Variants in ZKSCAN7 observed in about 807,000 individuals in gnomAD.
ZKSCAN7 encodes the protein zinc finger protein with KRAB and SCAN domains 7.
In ZKSCAN7, 38 loss-of-function variants were observed where a neutral mutation model predicts 65.3. That is an observed-to-expected ratio of 0.58 (90% CI 0.45 to 0.76). The LOEUF is 0.76. Ranked by LOEUF, ZKSCAN7 falls within the 30% of genes least tolerant of loss-of-function variation. ZKSCAN7 has a pLI of 0.00. For missense variants in ZKSCAN7, 815 were observed against 913.3 expected (o/e 0.89, Z 1.39); for synonymous variants, 321 against 321.0 (o/e 1.00, Z 0.00).
At chr3:44,569,773 A>G in intron 5 of ZKSCAN7, 149 bp from the exon 6 acceptor site, 1 of 1,308,652 alleles carries the variant, frequency 7.6e-7, no homozygotes, top group Non-Finnish European at 9.8e-7. Flanking sequence ...TGAGCTATTA[A>G]TATTTCCCAT....
intron 5 of ZKSCAN7, among the ~76,000 whole-genome samples, chr3:44,579,737 A>G (rs1466342203): frequency 2.6e-5 from 4 of 152,050 alleles, no homozygotes; most frequent in African/African-American, 7.2e-5. Flanking sequence ...AGACAAGTCA[A>G]TTTCTCCATC....
At chr3:44,557,582 C>A in intron 2 of ZKSCAN7, 112 bp downstream of exon 2, 1 of 1,474,746 alleles carries the variant, frequency 6.8e-7, no homozygotes, top group Non-Finnish European at 9.2e-7. Flanking sequence ...TTTAGGGTTG[C>A]TGAACTTGTC....
Position 44,571,235 on chromosome 3 carries a change from C to T in ZKSCAN7, c.2125C>T (p.His709Tyr). 2.5e-6 allele frequency: 4 copies of T among 1,614,178 alleles called. No homozygotes were observed. In the South Asian group the frequency reaches 4.4e-5, roughly 18 times the overall value. The change falls in exon 6 of 6, where the codon CAC becomes TAC. Residue 709 changes from histidine (H) to tyrosine (Y), a missense_variant. Transcript: ENST00000426540. ...AFSDSSQLIV[H>Y]QRVHTGEKPY... ...TAGTGACAGCTCACAGCTTATTGTA[C>T]ACCAGAGAGTCCACACCGGAGAGAA... is the stretch of plus-strand genomic sequence containing the variant.
downstream of ZKSCAN7, among the ~76,000 whole-genome samples, chr3:44,576,951 A>G (rs1413351168): frequency 6.6e-6 from 1 of 151,874 alleles, no homozygotes; most frequent in Non-Finnish European, 1.5e-5. Context: ...ATTACTCCAC[A>G]TTGGAAACAA....
At position 44,557,474 on chromosome 3, in the gene ZKSCAN7, A is replaced by G. The variant is rs894139418; in HGVS notation, c.423+4A>G. On this transcript the variant is annotated splice_donor_region_variant and intron_variant, in intron 2 of 5. Coordinates refer to ENST00000426540, the MANE Select transcript of ZKSCAN7 (RefSeq NM_001288590.2). ...ACACCTCAGTGGATCAGAGGAGGTG[A>G]GCAGTTGAGTCTAGAATGGCGGCCT... 1 of 1,614,030 alleles carries G rather than the reference A, an allele frequency of 6.2e-7. No individual in the cohort carries two copies. The highest frequency in any genetic ancestry group is 1.3e-5 in the African/African-American group (1 of 75,054).
downstream of ZKSCAN7, among the ~76,000 whole-genome samples, chr3:44,575,017 G>C (rs1013041417): frequency 6.6e-5 from 10 of 151,782 alleles, no homozygotes; most frequent in African/African-American, 2.2e-4. Context: ...GTCCAGTCAG[G>C]TGTGGTGGCT....
At position 44,571,212 on chromosome 3, in the gene ZKSCAN7, G is replaced by C. The variant is rs1316795521; in HGVS notation, c.2102G>C (p.Ser701Thr). The change falls in exon 6 of 6, where the codon AGT becomes ACT. Residue 701 changes from serine to threonine, a missense_variant. By Grantham distance (58) the Ser-to-Thr change is moderately conservative. Around this residue, in one of 3 missense-constraint regions of ZKSCAN7, gnomAD observed 578 missense variants for 629.5 expected, o/e 0.92. Transcript: ENST00000426540. ...TGCAATGATTGTGGGAAAGCTTTTA[G>C]TGACAGCTCACAGCTTATTGTACAC... is the stretch of plus-strand genomic sequence containing the variant. ...YKCNDCGKAF[S>T]DSSQLIVHQR... 3 of 1,614,188 alleles carry C rather than the reference G, an allele frequency of 1.9e-6. No individual in the cohort carries two copies. Among genetic ancestry groups the C allele is most frequent in the Non-Finnish European group, 1.7e-6 (2 of 1,180,034 alleles).
chr3:44,579,978 G>C (rs555602914), intron 5 of ZKSCAN7: 124 of 1,570,390 alleles, frequency 7.9e-5, no homozygotes, highest in African/African-American at 1.7e-4. Context: ...AGGAGCTTGG[G>C]GGGGGGCTTC....
At chr3:44,568,030 C>T in intron 4 of ZKSCAN7, 27 bp downstream of exon 4, 3 of 1,096,612 alleles carry the variant, frequency 2.7e-6, no homozygotes, top group Non-Finnish European at 4.0e-6. Flanking sequence ...GTGTTTTTAC[C>T]AAGTCCCCAT....
chr3:44,571,167 C>T lies in ZKSCAN7; in HGVS notation c.2057C>T (p.Thr686Ile), dbSNP rs1294416533. 2 of 1,614,166 alleles carry T rather than the reference C, an allele frequency of 1.2e-6. No homozygotes were observed. Among genetic ancestry groups the T allele is most frequent in the East Asian group, 2.2e-5 (1 of 44,886 alleles). Residue 686 changes from threonine to isoleucine, a missense_variant, in exon 6 of 6, where the codon ACT becomes ATT. Physicochemically the swap from Thr to Ile is moderately conservative, Grantham distance 89 (BLOSUM62 -1). Transcript: ENST00000426540. ...CTTATGGTACATCAGAGAACCCATA[C>T]TGGGGAAAAACCCTATAAATGCAAT... ...SSLMVHQRTH[T>I]GEKPYKCNDC...
chr3:44,561,447 C>T (rs562055722), intron 2 of ZKSCAN7, among the ~76,000 whole-genome samples: 16 of 152,274 alleles, frequency 1.1e-4, no homozygotes, highest in African/African-American at 3.6e-4. Flanking sequence ...GCCCTGGCCC[C>T]TCCCAAATCT....
chr3:44,580,326 C>T (rs1314030192), intron 5 of ZKSCAN7: 45 of 1,613,076 alleles, frequency 2.8e-5, no homozygotes, highest in Middle Eastern at 3.3e-4. Context: ...CCCAGGTTCC[C>T]GCAGGGAGCT....
chr3:44,557,438 G>A lies in ZKSCAN7; in HGVS notation c.391G>A (p.Asp131Asn). The change falls in exon 2 of 6, where the codon GAT (aspartate) becomes AAT (asparagine). Residue 131 changes from aspartate to asparagine, a missense_variant. Coordinates refer to ENST00000426540, the MANE Select transcript of ZKSCAN7 (RefSeq NM_001288590.2). Reference protein sequence around the residue: ...SGEEAVAVVEDFQRHLSGSEE... With the variant: ...SGEEAVAVVENFQRHLSGSEE... The stretch of plus-strand genomic sequence containing the variant: ...TGAGGAGGCTGTGGCTGTGGTGGAG[G>A]ATTTCCAGAGACACCTCAGTGGATC... The A allele has an allele frequency of 6.2e-7, 1 of 1,614,224 alleles. No homozygotes were observed. Among genetic ancestry groups the A allele is most frequent in the Non-Finnish European group, 8.5e-7 (1 of 1,180,036 alleles).
At chr3:44,579,863 T>C (rs903323554) in intron 5 of ZKSCAN7, 5 of 1,609,768 alleles carry the variant, frequency 3.1e-6, no homozygotes, top group Middle Eastern at 1.7e-4. Flanking sequence ...CAGCCAGCCT[T>C]TCTTGAAATT....
chr3:44,556,994 C>A lies in ZKSCAN7; in HGVS notation c.-54C>A. ...AGTTCCTGAGACCTGAACTATTGAC[C>A]ATCATTTTAATCGGACCAACTGCAG... On this transcript the variant is annotated 5_prime_UTR_variant, in exon 2 of 6. Coordinates refer to ENST00000426540, the MANE Select transcript of ZKSCAN7 (RefSeq NM_001288590.2). The A allele has an allele frequency of 6.2e-7, 1 of 1,609,652 alleles. No homozygotes were observed. Among genetic ancestry groups the A allele is most frequent in the South Asian group, 1.1e-5 (1 of 90,680 alleles).
rs188218761 is a variant in ZKSCAN7, at chr3:44,579,981, G to T, written c.812-2991G>T. ...GGCGTCTGGGAGAGGAGCTTGGGGG[G>T]GGGCTTCATTGGTGAAGTCCTGCTT... On this transcript the variant is annotated intron_variant, in intron 5 of 5. Coordinates refer to the ZKSCAN7 transcript ENST00000341840. 68 of 1,585,710 alleles carry T rather than the reference G, an allele frequency of 4.3e-5. 1 individual carries two copies. In the African/African-American group the frequency reaches 7.9e-4, roughly 18 times the overall value.
Position 44,571,594 on chromosome 3 carries a change from C to CTT in ZKSCAN7, c.*227_*228dup. 1.5e-6 allele frequency: 2 copies of CTT among 1,329,256 alleles called. No individual in the cohort carries two copies. The highest frequency in any genetic ancestry group is 7.2e-5 in the Admixed American group (2 of 27,860). 82.3% of individuals were successfully genotyped at this position (1,329,256 alleles called of 1,614,324 possible). ...CACATGTCATTGAATTGTAGGTTTCCTTTTTTTTTCTTTACTTTTAAATTT... is the reference window on the plus strand; with the variant it reads ...CACATGTCATTGAATTGTAGGTTTCCTTTTTTTTTTTCTTTACTTTTAAATTT... On this transcript the variant is annotated 3_prime_UTR_variant, in exon 6 of 6. Coordinates refer to ENST00000426540, the MANE Select transcript of ZKSCAN7 (RefSeq NM_001288590.2).
intron 5 of ZKSCAN7, chr3:44,580,685 G>A (rs1700053046): frequency 3.1e-6 from 5 of 1,613,908 alleles, no homozygotes; most frequent in Non-Finnish European, 3.4e-6. Flanking sequence ...AGAACCTCTG[G>A]CCCGTGCGGC....
At chr3:44,578,383 G>A (rs927074677) in intron 5 of ZKSCAN7, 63 of 1,613,208 alleles carry the variant, frequency 3.9e-5, no homozygotes, top group African/African-American at 3.7e-4. Flanking sequence ...CCTCCCCACC[G>A]CCGTCCCCAG....
Sources: gnomAD v4.1 joint callset for allele counts (sites outside exome capture counted in the v4.1 genomes callset) on GRCh38, gnomAD v4.1.1 for gene constraint, gnomAD v4.1.1 regional missense constraint, MANE v1.5 for transcripts, NCBI Gene and HGNC (gene_info 2026-07-23, HGNC 2026-07-21) for gene names.